Variants in ANKRD2 observed in about 807,000 individuals in gnomAD.
The protein encoded by ANKRD2 is ankyrin repeat domain 2, also known as ankyrin repeat domain-containing protein 2.
In ANKRD2, 35 loss-of-function variants were observed where a neutral mutation model predicts 37.3. The observed-to-expected ratio is 0.94, with a 90% confidence interval of 0.72 to 1.24. The LOEUF is 1.24. Among genes scored for constraint, ANKRD2 ranks in the 50% most tolerant of loss-of-function variants. The probability of loss-of-function intolerance (pLI) is 0.00; values close to 1 mark genes in which losing one functional copy is unlikely to be tolerated. For synonymous variants in ANKRD2, 159 were observed against 186.5 expected, an observed-to-expected ratio of 0.85 and a Z score of 1.20; for missense variants, 410 against 445.6, an observed-to-expected ratio of 0.92 and a Z score of 0.72.
At chr10:97,574,818 C>T (rs2135698212) in intron 1 of ANKRD2, among the ~76,000 whole-genome samples, 1 of 151,806 alleles carries the variant, frequency 6.6e-6, no homozygotes, top group Admixed American at 6.5e-5. Flanking sequence ...CCCACTTCTC[C>T]CTCCCCCAAG....
At position 97,578,213 on chromosome 10, in the gene ANKRD2, G is replaced by C. The variant is rs7918914; in HGVS notation, c.190-27G>C. On this transcript the variant is annotated intron_variant, in intron 2 of 8. Transcript: ENST00000370655. ...GCCCCCCAAACTCTCTGCCCGGCCT[G>C]GGGGGTTGATGGGCCATCCCGCGCA... 10,300 of 1,568,992 alleles carry C rather than the reference G, an allele frequency of 6.6e-3. 586 individuals carry two copies. In the African/African-American group the frequency reaches 0.12, roughly 19 times the overall value.
chr10:97,577,842 C>T lies in ANKRD2; in HGVS notation c.130C>T (p.Leu44=), dbSNP rs766675981. Residue 44 remains leucine (L), a synonymous_variant, in exon 2 of 9, where the codon CTG becomes TTG. Coordinates refer to ENST00000370655, the MANE Select transcript of ANKRD2 (RefSeq NM_001346793.2). ...ACGCCAGAAGCTGCCCATGGACTTG[C>T]TGGTGCTGGAGGATGAGAAGCACCA... is the stretch of plus-strand genomic sequence containing the variant. ...DARQKLPMDL[L]VLEDEKHHGA... 1.3e-6 allele frequency: 2 copies of T among 1,573,962 alleles called. No homozygotes were observed. Among genetic ancestry groups the T allele is most frequent in the African/African-American group, 1.3e-5 (1 of 74,558 alleles).
In ANKRD2 at chr10:97,578,234, G is replaced by T. The variant is rs376710804; in HGVS notation, c.190-6G>T. ...GCCTGGGGGGTTGATGGGCCATCCC[G>T]CGCAGGGCCAAGAGCGCGTGCGCAA... On this transcript the variant is annotated splice_region_variant and splice_polypyrimidine_tract_variant and intron_variant, in intron 2 of 8. Coordinates refer to ENST00000370655, the MANE Select transcript of ANKRD2 (RefSeq NM_001346793.2). The T allele has an allele frequency of 5.2e-5, 71 of 1,359,118 alleles. No individual in the cohort carries two copies. Among genetic ancestry groups the T allele is most frequent in the Non-Finnish European group, 6.8e-5 (70 of 1,023,154 alleles). The allele number at this position is 1,359,118 out of a possible 1,614,324, so 84.2% of individuals were successfully genotyped here. A position where few individuals can be genotyped will look rare whatever the true frequency, so the allele number is the denominator to read the frequency against.
chr10:97,572,945 T>A, intron 1 of ANKRD2, 70 bp downstream of exon 1: 7 of 1,440,370 alleles, frequency 4.9e-6, no homozygotes, highest in East Asian at 2.5e-5. Flanking sequence ...GGGAGGGAGA[T>A]CCTGTCTGCT....
In ANKRD2 at chr10:97,583,567, C is replaced by A. The variant is rs199891248; in HGVS notation, c.853-9C>A. ...TGCCAACCCCCACGCCCCGTCCCGC[C>A]CCCTCCAGGCAGGAAAGACCCCGAC... On this transcript the variant is annotated splice_polypyrimidine_tract_variant and intron_variant, in intron 8 of 8. Coordinates refer to ENST00000370655, the MANE Select transcript of ANKRD2 (RefSeq NM_001346793.2). 1.9e-6 allele frequency: 3 copies of A among 1,595,134 alleles called. No individual in the cohort carries two copies. Among genetic ancestry groups the A allele is most frequent in the East Asian group, 4.6e-5 (2 of 43,890 alleles).
At chr10:97,579,895 C>T (rs2040875839) in intron 4 of ANKRD2, among the ~76,000 whole-genome samples, 1 of 152,224 alleles carries the variant, frequency 6.6e-6, no homozygotes, top group African/African-American at 2.4e-5. Context: ...CCGTGTCCGG[C>T]CCCTTACAGC....
intron 1 of ANKRD2, among the ~76,000 whole-genome samples, chr10:97,576,243 T>TC (rs35387893): frequency 0.07 from 10,627 of 152,214 alleles, 519 homozygotes; most frequent in Non-Finnish European, 0.12. Flanking sequence ...CCACATTGAC[T>TC]CAGGACCCTC....
At chr10:97,575,475 C>T (rs2040815928) in intron 1 of ANKRD2, among the ~76,000 whole-genome samples, 1 of 152,216 alleles carries the variant, frequency 6.6e-6, no homozygotes, top group Admixed American at 6.5e-5. Context: ...GTCACAGATG[C>T]TGGGGACACC....
chr10:97,582,397 T>A lies in ANKRD2; in HGVS notation c.737T>A (p.Ile246Asn). ...CACTTTCTATCCCTGGGCCTGGAAA[T>A]CAATGCCAGAGACAGGGTGAGTGCT... ...VEHFLSLGLE[I>N]NARDREGDTA... The change falls in exon 7 of 9, where the codon ATC (isoleucine) becomes AAC (asparagine). Residue 246 changes from isoleucine to asparagine, a missense_variant. Physicochemically the swap from Ile to Asn is moderately radical, Grantham distance 149 (BLOSUM62 -3). Coordinates refer to ENST00000370655, the MANE Select transcript of ANKRD2 (RefSeq NM_001346793.2). The A allele has an allele frequency of 6.4e-7, 1 of 1,564,908 alleles. No individual in the cohort carries two copies. Among genetic ancestry groups the A allele is most frequent in the Non-Finnish European group, 8.7e-7 (1 of 1,154,422 alleles).
At chr10:97,572,625 C>T, upstream of ANKRD2, 1 of 1,457,882 alleles carries the variant, frequency 6.9e-7, no homozygotes, top group Non-Finnish European at 9.1e-7. Flanking sequence ...GCTCCCTGGC[C>T]CTGGCTCCCC....
chr10:97,582,676 G>C lies in ANKRD2; in HGVS notation c.826G>C (p.Gly276Arg), dbSNP rs1312423088. The change falls in exon 8 of 9, where the codon GGG (glycine) becomes CGG (arginine). Residue 276 changes from glycine (G) to arginine (R), a missense_variant. Physicochemically the swap from Gly to Arg is moderately radical, Grantham distance 125 (BLOSUM62 -2). Coordinates refer to ENST00000370655, the MANE Select transcript of ANKRD2 (RefSeq NM_001346793.2). The stretch of plus-strand genomic sequence containing the variant: ...AATCATCAAACTGCTGCTCCTGCAT[G>C]GGGCTGACATGATGACCAAGAACCT... ...YKIIKLLLLHGADMMTKNLAG... is the reference protein window; with the variant it reads ...YKIIKLLLLHRADMMTKNLAG... 9.3e-6 allele frequency: 15 copies of C among 1,614,034 alleles called. No homozygotes were observed. The highest frequency in any genetic ancestry group is 1.2e-5 in the Non-Finnish European group (14 of 1,180,028).
chr10:97,583,629 C>G lies in ANKRD2; in HGVS notation c.906C>G (p.His302Gln). Reference protein sequence around the residue: ...LVQLWQADTRHALEHPEPGAE... With the variant: ...LVQLWQADTRQALEHPEPGAE... Reference sequence around the variant, plus strand: ...AGCTCTGGCAGGCTGATACCCGGCACGCCCTGGAGCATCCTGAGCCGGGGG... The same window carrying G: ...AGCTCTGGCAGGCTGATACCCGGCAGGCCCTGGAGCATCCTGAGCCGGGGG... Residue 302 changes from histidine (H) to glutamine (Q), a missense_variant, in exon 9 of 9, where the codon CAC (histidine) becomes CAG (glutamine). Coordinates refer to ENST00000370655, the MANE Select transcript of ANKRD2 (RefSeq NM_001346793.2). 6.2e-7 allele frequency: 1 copy of G among 1,605,916 alleles called. No homozygotes were observed. Among genetic ancestry groups the G allele is most frequent in the Non-Finnish European group, 8.5e-7 (1 of 1,176,806 alleles).
At chr10:97,578,165 AG>A in intron 2 of ANKRD2, 74 bp from the exon 3 acceptor site, 1 of 261,854 alleles carries the variant, frequency 3.8e-6, no homozygotes, top group East Asian at 9.3e-5. Flanking sequence ...CCTCCCCACC[AG>A]CTTAGCTCAG....
chr10:97,572,905 G>T (rs902132234), intron 1 of ANKRD2, 30 bp downstream of exon 1: 17 of 1,542,880 alleles, frequency 1.1e-5, no homozygotes, highest in African/African-American at 4.1e-5. Context: ...TGCCCAAGGG[G>T]GTCTGAGGAG....
At chr10:97,582,549 C>A in intron 7 of ANKRD2, 55 bp from the exon 8 acceptor site, 1 of 1,589,608 alleles carries the variant, frequency 6.3e-7, no homozygotes, top group South Asian at 1.1e-5. Flanking sequence ...CTCCCATCAC[C>A]CTTGCCTCCT....
chr10:97,577,785 T>C lies in ANKRD2; in HGVS notation c.88-15T>C, dbSNP rs770685400. On this transcript the variant is annotated splice_polypyrimidine_tract_variant and intron_variant, in intron 1 of 8. Coordinates refer to ENST00000370655, the MANE Select transcript of ANKRD2 (RefSeq NM_001346793.2). ...TCCTCGGGTCCTGGAGAAGGTGCCC[T>C]CTTTGGATCACCAGAAACTCCGAGG... 6.5e-7 allele frequency: 1 copy of C among 1,547,236 alleles called. No homozygotes were observed. The highest frequency in any genetic ancestry group is 8.7e-7 in the Non-Finnish European group (1 of 1,144,464).
chr10:97,581,837 T>C (rs567583382), intron 6 of ANKRD2, among the ~76,000 whole-genome samples: 271 of 152,344 alleles, frequency 1.8e-3, no homozygotes, highest in African/African-American at 6.2e-3. Context: ...GCACCATCCT[T>C]CTATTCATTC....
chr10:97,578,050 G>A (rs888264585), intron 2 of ANKRD2, 149 bp downstream of exon 2: 28 of 1,075,286 alleles, frequency 2.6e-5, no homozygotes, highest in Middle Eastern at 3.1e-4. Context: ...CCCCGTCCCA[G>A]AACTACTGAG....
intron 6 of ANKRD2, 108 bp from the exon 7 acceptor site, chr10:97,582,207 C>T (rs2040906369): frequency 2.2e-6 from 2 of 899,308 alleles, no homozygotes; most frequent in Non-Finnish European, 3.5e-6. Flanking sequence ...GGCCTTGGCA[C>T]TAGGACTTGG....
Sources: allele counts gnomAD v4.1 joint callset (sites outside exome capture counted in the v4.1 genomes callset), GRCh38; gene constraint gnomAD v4.1.1; transcripts MANE v1.5; gene names NCBI Gene and HGNC (gene_info 2026-07-23, HGNC 2026-07-21).